Variants in PTPRD observed in about 807,000 individuals in gnomAD.
PTPRD encodes protein tyrosine phosphatase receptor type D.
PTPRD carries 34 observed loss-of-function variants against 214.5 expected under a neutral mutation model. The observed-to-expected ratio is 0.16, with a 90% CI of 0.12 to 0.21. The LOEUF is 0.21. Among genes scored for constraint, PTPRD ranks in the 10% least tolerant of loss-of-function variants. The pLI, the probability that PTPRD is intolerant of heterozygous loss-of-function variation, is 1.00. For missense variants in PTPRD, 2,545 were observed against 2,398.7 expected (o/e 1.06, Z -1.27); for synonymous variants, 1,128 against 845.7 (o/e 1.33, Z -5.79).
intron 10 of PTPRD, among the ~76,000 whole-genome samples, chr9:9,019,316 GAAA>G: frequency 9.4e-6 from 1 of 106,096 alleles, no homozygotes; most frequent in African/African-American, 4.1e-5. Flanking sequence ...AAGAAAGAAA[GAAA>G]GAAAGAAAGA....
At chr9:8,950,829 C>G (rs1184989417) in intron 11 of PTPRD, among the ~76,000 whole-genome samples, 1 of 151,814 alleles carries the variant, frequency 6.6e-6, no homozygotes, top group Admixed American at 6.6e-5. Flanking sequence ...TACTACATGT[C>G]AGAGCCAAGA....
intron 9 of PTPRD, among the ~76,000 whole-genome samples, chr9:9,331,164 A>G (rs975854330): frequency 2.6e-5 from 4 of 152,072 alleles, no homozygotes; most frequent in Non-Finnish European, 4.4e-5. Context: ...ATAATGCTTA[A>G]CATGCGTTCT....
chr9:8,742,760 T>C lies in PTPRD; in HGVS notation c.-103-8814A>G, dbSNP rs1057062680. The stretch of plus-strand genomic sequence containing the variant: ...AAGGACCTTTTAATTGTTTTTTAAA[T>C]AGTTCATTATGATAGCTCAAAGAAA... On this transcript the variant is annotated intron_variant, in intron 11 of 45. Transcript: ENST00000381196. 7.2e-5 allele frequency among the ~76,000 whole-genome samples: 11 copies of C among 152,346 alleles called. No individual in the cohort carries two copies. In the East Asian group the frequency reaches 1.9e-3, roughly 27 times the overall value.
chr9:9,680,865 A>T (rs900894547), intron 7 of PTPRD, among the ~76,000 whole-genome samples: 7 of 151,762 alleles, frequency 4.6e-5, no homozygotes, highest in African/African-American at 1.5e-4. Context: ...GAAGGAGCAC[A>T]TATCTTTTCT....
At chr9:9,999,308 C>T (rs2096252007) in intron 4 of PTPRD, among the ~76,000 whole-genome samples, 1 of 152,146 alleles carries the variant, frequency 6.6e-6, no homozygotes, top group Non-Finnish European at 1.5e-5. Context: ...AGTCCTGAAT[C>T]TCAATGTGGA....
At chr9:9,928,565 A>G (rs1267773425) in intron 5 of PTPRD, among the ~76,000 whole-genome samples, 1 of 152,144 alleles carries the variant, frequency 6.6e-6, no homozygotes, top group African/African-American at 2.4e-5. Flanking sequence ...ACAAAGACAG[A>G]CTCACAATGC....
At chr9:8,910,489 G>C (rs1320315103) in intron 11 of PTPRD, among the ~76,000 whole-genome samples, 1 of 152,062 alleles carries the variant, frequency 6.6e-6, no homozygotes, top group Non-Finnish European at 1.5e-5. Flanking sequence ...TGTGGAACTG[G>C]TGGCTTTACA....
At chr9:10,560,962 T>C (rs1192523803) in intron 2 of PTPRD, among the ~76,000 whole-genome samples, 3 of 152,174 alleles carry the variant, frequency 2.0e-5, no homozygotes, top group Admixed American at 6.5e-5. Context: ...TTGATGAATG[T>C]GGGTGAATTG....
chr9:9,683,643 T>G (rs537548814), intron 7 of PTPRD, among the ~76,000 whole-genome samples: 1 of 151,800 alleles, frequency 6.6e-6, no homozygotes, highest in East Asian at 1.9e-4. Context: ...TAATAAGATT[T>G]ATTGGCATGC....
chr9:8,531,993 A>G (rs2075814456), intron 14 of PTPRD, among the ~76,000 whole-genome samples: 1 of 152,056 alleles, frequency 6.6e-6, no homozygotes, highest in African/African-American at 2.4e-5. Context: ...CCCCCTTTTC[A>G]TATACACGAG....
intron 12 of PTPRD, among the ~76,000 whole-genome samples, chr9:8,691,313 TGCTGCCTCCAAGG>T (rs2097795082): frequency 6.6e-6 from 1 of 151,888 alleles, no homozygotes; most frequent in African/African-American, 2.4e-5. Flanking sequence ...CATCCTACTG[TGCTGCCTCCAAGG>T]GAAACAATTT....
chr9:9,865,105 G>C (rs1374531512), intron 5 of PTPRD, among the ~76,000 whole-genome samples: 4 of 152,072 alleles, frequency 2.6e-5, no homozygotes, highest in Non-Finnish European at 1.5e-5. Flanking sequence ...GTTTCTAAAA[G>C]ATCATAGACA....
At chr9:9,496,228 T>C (rs1381578645) in intron 8 of PTPRD, among the ~76,000 whole-genome samples, 1 of 152,122 alleles carries the variant, frequency 6.6e-6, no homozygotes, top group Non-Finnish European at 1.5e-5. Context: ...TTTAGGAGAA[T>C]TCTTTAAAAT....
intron 8 of PTPRD, among the ~76,000 whole-genome samples, chr9:9,500,199 C>T (rs192677029): frequency 1.5e-3 from 223 of 152,112 alleles, no homozygotes; most frequent in African/African-American, 5.1e-3. Context: ...TAAATTCAAC[C>T]ATCTAAAGTT....
chr9:10,520,520 C>A (rs1484936870), intron 2 of PTPRD, among the ~76,000 whole-genome samples: 3 of 152,146 alleles, frequency 2.0e-5, no homozygotes, highest in Non-Finnish European at 2.9e-5. Context: ...GAAGATCTAG[C>A]TAAGATACTT....
chr9:9,895,561 C>A (rs1228178347), intron 5 of PTPRD, among the ~76,000 whole-genome samples: 1 of 151,906 alleles, frequency 6.6e-6, no homozygotes, highest in Non-Finnish European at 1.5e-5. Flanking sequence ...GTAGGGACTA[C>A]AATGGTGATA....
chr9:8,577,784 T>A (rs1189375991), intron 14 of PTPRD, among the ~76,000 whole-genome samples: 1 of 152,108 alleles, frequency 6.6e-6, no homozygotes, highest in Non-Finnish European at 1.5e-5. Flanking sequence ...GGGAACTCAT[T>A]AAAAATGCAA....
In PTPRD at chr9:8,517,844, T is replaced by G; in HGVS notation, c.1543+4A>C. 1 of 1,609,808 alleles carries G rather than the reference T, an allele frequency of 6.2e-7. No individual in the cohort carries two copies. Among genetic ancestry groups the G allele is most frequent in the Non-Finnish European group, 8.5e-7 (1 of 1,177,554 alleles). ...GCCCTATTTCCCTCCTCAACCAAACTTACCTCCTGTCTGAGTGATGACTTG... is the reference window on the plus strand; with the variant it reads ...GCCCTATTTCCCTCCTCAACCAAACGTACCTCCTGTCTGAGTGATGACTTG... On this transcript the variant is annotated splice_donor_region_variant and intron_variant, in intron 21 of 45. Transcript: ENST00000381196.
chr9:9,016,259 C>T (rs899563028), intron 11 of PTPRD, among the ~76,000 whole-genome samples: 1 of 152,086 alleles, frequency 6.6e-6, no homozygotes, highest in African/African-American at 2.4e-5. Flanking sequence ...TGACAATTTT[C>T]CCCCAAATAG....
Sources: gnomAD v4.1 joint callset for allele counts (sites outside exome capture counted in the v4.1 genomes callset) on GRCh38, gnomAD v4.1.1 for gene constraint, MANE v1.5 for transcripts, NCBI Gene and HGNC (gene_info 2026-07-23, HGNC 2026-07-21) for gene names.